The following TNR variants were observed in gnomAD, a reference collection of about 807,000 sequenced individuals.
TNR encodes the protein tenascin-R.
TNR carries 45 observed loss-of-function variants against 150.4 expected under a neutral mutation model. The observed-to-expected ratio is 0.30, with a 90% CI of 0.24 to 0.38. The LOEUF is 0.38. Among genes scored for constraint, TNR ranks in the 10% least tolerant of loss-of-function variants. The probability of loss-of-function intolerance (pLI) is 1.00; values close to 1 mark genes in which losing one functional copy is unlikely to be tolerated. For synonymous variants in TNR, 687 were observed against 678.4 expected (o/e 1.01, Z -0.20); for missense variants, 1,544 against 1,759.1 (o/e 0.88, Z 2.19).
At chr1:175,678,812 G>A (rs903568781) in intron 1 of TNR, among the ~76,000 whole-genome samples, 5 of 152,204 alleles carry the variant, frequency 3.3e-5, no homozygotes, top group African/African-American at 1.2e-4. Flanking sequence ...GAATCCCTGG[G>A]GCCTGTGGCC....
In TNR at chr1:175,386,124, T is replaced by C. The variant is rs1316872985; in HGVS notation, c.1685A>G (p.Gln562Arg). 1.2e-6 allele frequency: 2 copies of C among 1,613,568 alleles called. No homozygotes were observed. Among genetic ancestry groups the C allele is most frequent in the Non-Finnish European group, 1.7e-6 (2 of 1,179,578 alleles). ...LQPPLSQYSVQALRPGSRYEV... is the reference protein window; with the variant it reads ...LQPPLSQYSVRALRPGSRYEV... ...GTATCGGGAGCCAGGCCGCAGGGCC[T>C]GCACTGAGTATTGGCTCAGGGGAGG... is the stretch of plus-strand genomic sequence containing the variant. Residue 562 changes from glutamine to arginine, a missense_variant, in exon 8 of 23, where the codon CAG (glutamine) becomes CGG (arginine). This residue lies in a region of TNR where 1,254 missense variants were observed against 1,329.4 expected (regional missense o/e 0.94). Coordinates refer to ENST00000367674, the MANE Select transcript of TNR (RefSeq NM_003285.3).
Position 175,318,505 on chromosome 1 carries a change from T to C in TNR, c.*4852A>G, listed in dbSNP as rs1648903652. 6.6e-6 allele frequency: 1 copy of C among 152,238 alleles called. No individual in the cohort carries two copies. Among genetic ancestry groups the C allele is most frequent in the South Asian group, 2.1e-4 (1 of 4,824 alleles). 9.4% of individuals were successfully genotyped at this position (152,238 alleles called of 1,614,324 possible). A position where few individuals can be genotyped will look rare whatever the true frequency, so the allele number is the denominator to read the frequency against. ...GCATATAGGAGTTACTTTCCCTGCT[T>C]GCTTTTGAAAGTTTTCATTTGGTCT... is the stretch of plus-strand genomic sequence containing the variant. On this transcript the variant is annotated 3_prime_UTR_variant, in exon 23 of 23. Transcript: ENST00000367674.
At chr1:175,718,901 A>G (rs1667227670) in intron 1 of TNR, among the ~76,000 whole-genome samples, 1 of 152,118 alleles carries the variant, frequency 6.6e-6, no homozygotes, top group African/African-American at 2.4e-5. Flanking sequence ...TGGGCAAGAG[A>G]ACTATCCCTG....
intron 1 of TNR, among the ~76,000 whole-genome samples, chr1:175,641,321 G>C (rs1258137788): frequency 6.6e-6 from 1 of 152,070 alleles, no homozygotes; most frequent in Admixed American, 6.6e-5. Context: ...AAAGAAAAAA[G>C]AGAGAGAGAA....
chr1:175,356,267 A>G (rs1651320965), intron 16 of TNR, 52 bp downstream of exon 16: 14 of 1,607,818 alleles, frequency 8.7e-6, no homozygotes, highest in South Asian at 4.4e-5. Context: ...AAAGCTGATC[A>G]TTTCCACAAA....
chr1:175,371,783 G>A (rs1652117291), intron 9 of TNR, among the ~76,000 whole-genome samples: 2 of 152,114 alleles, frequency 1.3e-5, no homozygotes, highest in African/African-American at 4.8e-5. Context: ...GATACAACTA[G>A]GTTTGGAACC....
intron 2 of TNR, among the ~76,000 whole-genome samples, chr1:175,518,931 A>G (rs949459500): frequency 3.3e-5 from 5 of 152,192 alleles, no homozygotes; most frequent in African/African-American, 1.2e-4. Flanking sequence ...GAACCTGGCC[A>G]CCTTTGATAA....
intron 2 of TNR, among the ~76,000 whole-genome samples, chr1:175,413,037 T>C (rs1042820905): frequency 1.3e-5 from 2 of 152,164 alleles, no homozygotes; most frequent in African/African-American, 4.8e-5. Context: ...CTTTTTTCTT[T>C]TTTTTTGAGT....
chr1:175,740,624 C>T (rs1314908779), intron 1 of TNR, among the ~76,000 whole-genome samples: 4 of 152,086 alleles, frequency 2.6e-5, no homozygotes, highest in East Asian at 3.9e-4. Context: ...AACTTAGTGG[C>T]TTTGTCTCCA....
chr1:175,738,791 T>C (rs1299481122), intron 1 of TNR, among the ~76,000 whole-genome samples: 1 of 152,224 alleles, frequency 6.6e-6, no homozygotes, highest in Admixed American at 6.5e-5. Flanking sequence ...TTCTTATATA[T>C]GATGGGAAAT....
At chr1:175,505,321 A>G (rs1174664891) in intron 2 of TNR, among the ~76,000 whole-genome samples, 1 of 152,254 alleles carries the variant, frequency 6.6e-6, no homozygotes. Context: ...CCGGCGAGGC[A>G]GGAGCGGGAC....
intron 1 of TNR, among the ~76,000 whole-genome samples, chr1:175,607,180 A>G (rs1663436339): frequency 6.6e-6 from 1 of 152,142 alleles, no homozygotes; most frequent in Non-Finnish European, 1.5e-5. Flanking sequence ...TGTGGCCCAT[A>G]TGTTTCCTTT....
At chr1:175,605,132 C>T (rs1272356685) in intron 1 of TNR, among the ~76,000 whole-genome samples, 1 of 152,188 alleles carries the variant, frequency 6.6e-6, no homozygotes, top group Non-Finnish European at 1.5e-5. Flanking sequence ...CCAGGCTGCA[C>T]ATCATAAAGA....
intron 1 of TNR, among the ~76,000 whole-genome samples, chr1:175,696,229 T>TTGTTGTTG (rs1558077885): frequency 8.2e-6 from 1 of 121,650 alleles, no homozygotes; most frequent in Non-Finnish European, 1.8e-5. Context: ...TTTTTTTTTT[T>TTGTTGTTG]TTTTTTTTTT....
chr1:175,731,370 TCAA>T lies in TNR; in HGVS notation c.-165+11853_-165+11855del, dbSNP rs200462509. ...TCTACCATCTATAAATTGGCAGTAA[TCAA>T]TAGCAATTATTTTGCTTACCTTCAC... On this transcript the variant is annotated intron_variant, in intron 1 of 22. Transcript: ENST00000367674. Among the ~76,000 whole-genome samples the T allele has an allele frequency of 1.2e-3, 181 of 152,326 alleles. 2 individuals are homozygous for T. The highest frequency in any genetic ancestry group is 3.5e-3 in the African/African-American group (146 of 41,578).
At position 175,505,362 on chromosome 1, in the gene TNR, T is replaced by C. The variant is rs114563235; in HGVS notation, c.-64+22907A>G. On this transcript the variant is annotated intron_variant, in intron 2 of 22. Transcript: ENST00000367674. The stretch of plus-strand genomic sequence containing the variant: ...GGCTGGCTGAAAGGCAGCTGAGAGA[T>C]CCCTACCCAGGGCTGACTGAGCGAG... Among the ~76,000 whole-genome samples, 1,146 of 152,236 alleles carry C rather than the reference T, an allele frequency of 7.5e-3. 8 individuals carry two copies. The highest frequency in any genetic ancestry group is 0.026 in the African/African-American group (1,094 of 41,532).
At chr1:175,419,504 C>G (rs1376143761) in intron 2 of TNR, among the ~76,000 whole-genome samples, 4 of 152,078 alleles carry the variant, frequency 2.6e-5, no homozygotes, top group African/African-American at 9.7e-5. Context: ...GGGTTTATAT[C>G]TGAAATAACT....
At chr1:175,532,031 C>T (rs2102180061) in intron 1 of TNR, among the ~76,000 whole-genome samples, 1 of 152,348 alleles carries the variant, frequency 6.6e-6, no homozygotes, top group Non-Finnish European at 1.5e-5. Context: ...AGAAGAAAGA[C>T]ACCTGCTGGG....
rs963045992 is a variant in TNR at position 175,349,131 on chromosome 1, C to T, written c.3382+5260G>A. On this transcript the variant is annotated intron_variant, in intron 18 of 22. Transcript: ENST00000367674. ...GCATGTCGTTAGGAAATAGGAGCTTCTGTGCACTGTTGGAGGGAGTGTAGA... is the reference window on the plus strand; with the variant it reads ...GCATGTCGTTAGGAAATAGGAGCTTTTGTGCACTGTTGGAGGGAGTGTAGA... Among the ~76,000 whole-genome samples the T allele has an allele frequency of 2.0e-5, 3 of 152,318 alleles. No homozygotes were observed. The South Asian group carries it at 6.2e-4, about 32-fold the overall frequency.
Sources: allele counts gnomAD v4.1 joint callset (sites outside exome capture counted in the v4.1 genomes callset), GRCh38; gene constraint gnomAD v4.1.1; regional missense constraint gnomAD v4.1.1; transcripts MANE v1.5; gene names NCBI Gene and HGNC (gene_info 2026-07-23, HGNC 2026-07-21).